Variants in EVC observed in about 807,000 individuals in gnomAD.
EVC encodes the protein evC complex member EVC.
A neutral mutation model predicts 118.9 loss-of-function variants in EVC; 116 were observed. The ratio of observed to expected loss-of-function variants is 0.98; its 90% CI spans 0.84 to 1.14. EVC has a LOEUF of 1.14. EVC is among the 50% of genes most tolerant of loss of function. EVC has a pLI of 0.00. For missense variants in EVC, 1,401 were observed against 1,246.4 expected, an observed-to-expected ratio of 1.12 and a Z score of -1.87; for synonymous variants, 619 against 534.7, an observed-to-expected ratio of 1.16 and a Z score of -2.18.
At chr4:5,716,426 G>T (rs1223637971) in intron 1 of EVC, among the ~76,000 whole-genome samples, 1 of 152,100 alleles carries the variant, frequency 6.6e-6, no homozygotes, top group East Asian at 1.9e-4. Flanking sequence ...ATGTAGGTTC[G>T]GCAGAAAAGA....
At chr4:5,752,118 T>A (rs1730463762) in intron 8 of EVC, among the ~76,000 whole-genome samples, 2 of 152,060 alleles carry the variant, frequency 1.3e-5, no homozygotes, top group South Asian at 4.2e-4. Context: ...TGCCTAGGCC[T>A]GAGCTGGGCG....
At chr4:5,815,938 C>A (rs551643863), downstream of EVC, among the ~76,000 whole-genome samples, 1 of 151,680 alleles carries the variant, frequency 6.6e-6, no homozygotes, top group Non-Finnish European at 1.5e-5. Flanking sequence ...GAGGGAGGAA[C>A]GCTGAGTATA....
chr4:5,828,295 GTCC>G, the EVC span: 1 of 984,800 alleles, frequency 1.0e-6, no homozygotes, highest in Non-Finnish European at 1.2e-6. Flanking sequence ...GAACTTGCAT[GTCC>G]TCATTTGATG....
downstream of EVC, among the ~76,000 whole-genome samples, chr4:5,816,569 C>CA (rs2152411903): frequency 6.6e-6 from 1 of 151,294 alleles, no homozygotes; most frequent in South Asian, 2.1e-4. Flanking sequence ...ACCCTCTCTT[C>CA]ACTCCCTTCC....
chr4:5,771,378 T>C (rs1733929699), intron 11 of EVC, among the ~76,000 whole-genome samples: 1 of 152,142 alleles, frequency 6.6e-6, no homozygotes, highest in African/African-American at 2.4e-5. Context: ...ACTGTGACCC[T>C]CCTGCCTCCC....
chr4:5,782,389 A>ATTTTT (rs71171482), intron 11 of EVC, among the ~76,000 whole-genome samples: 11 of 78,596 alleles, frequency 1.4e-4, no homozygotes, highest in Admixed American at 3.4e-4. Context: ...GTAAGGTTCC[A>ATTTTT]TTTTTTTTTT....
At chr4:5,757,683 C>G (rs1488977545) in intron 11 of EVC, among the ~76,000 whole-genome samples, 1 of 152,158 alleles carries the variant, frequency 6.6e-6, no homozygotes, top group African/African-American at 2.4e-5. Flanking sequence ...GGGCTCTGGT[C>G]TCTCCCTTTT....
chr4:5,825,932 A>G, the EVC span: 8 of 484,708 alleles, frequency 1.7e-5, no homozygotes, highest in Non-Finnish European at 2.9e-5. The surrounding 1 kb of genome is among the most constrained non-coding windows in gnomAD (Gnocchi z 4.4). Context: ...ACTCACATAC[A>G]TGCAGTCATG....
chr4:5,804,130 G>A (rs1715471238), intron 16 of EVC, among the ~76,000 whole-genome samples: 1 of 152,100 alleles, frequency 6.6e-6, no homozygotes, highest in Admixed American at 6.5e-5. Context: ...TAGAGACAGG[G>A]TTTCACCATG....
Position 5,810,462 on chromosome 4 carries a change from C to T in EVC, c.2894+12C>T, listed in dbSNP as rs759319800. The T allele has an allele frequency of 1.7e-5, 27 of 1,597,434 alleles. No individual in the cohort carries two copies. The highest frequency in any genetic ancestry group is 1.6e-5 in the Non-Finnish European group (19 of 1,170,462). ...TCAGGCTCACTCAGGTATGACTGGGCCCCGGACCTGTTGCCTGTGGCTGGG... is the reference window on the plus strand; with the variant it reads ...TCAGGCTCACTCAGGTATGACTGGGTCCCGGACCTGTTGCCTGTGGCTGGG... On this transcript the variant is annotated intron_variant, in intron 20 of 20. Coordinates refer to ENST00000264956, the MANE Select transcript of EVC (RefSeq NM_153717.3).
chr4:5,753,262 C>G (rs1213431405), intron 9 of EVC, among the ~76,000 whole-genome samples: 1 of 152,216 alleles, frequency 6.6e-6, no homozygotes, highest in African/African-American at 2.4e-5. Context: ...AGGGCCACTG[C>G]CCAGGGCAGG....
At chr4:5,712,011 C>A (rs1723116987) in intron 1 of EVC, among the ~76,000 whole-genome samples, 1 of 152,180 alleles carries the variant, frequency 6.6e-6, no homozygotes, top group African/African-American at 2.4e-5. Context: ...TTTCATTCAC[C>A]CCACAGTAAA....
chr4:5,777,677 T>C (rs978216281), intron 11 of EVC, among the ~76,000 whole-genome samples: 1 of 152,190 alleles, frequency 6.6e-6, no homozygotes, highest in African/African-American at 2.4e-5. Flanking sequence ...AGTTATCTGG[T>C]TAGCCATATC....
chr4:5,821,821 C>G, the EVC span: 1 of 1,609,992 alleles, frequency 6.2e-7, no homozygotes, highest in Non-Finnish European at 8.5e-7. The surrounding 1 kb of genome is among the most constrained non-coding windows in gnomAD (Gnocchi z 4.4). Flanking sequence ...GTGGCCGGTG[C>G]GCCTGGGATT....
rs1261882121 is a variant in EVC at position 5,731,612 on chromosome 4, C to G, written c.572C>G (p.Thr191Ser). Residue 191 changes from threonine to serine, a missense_variant, in exon 4 of 21, where the codon ACC becomes AGC. Coordinates refer to ENST00000264956, the MANE Select transcript of EVC (RefSeq NM_153717.3). This position sits in a 1 kb window ranked among gnomAD's most constrained non-coding sequence, Gnocchi z 5.6. ...ATSDDRFLSR[T>S]FLRVNAFPEV... ...AGCGATGACAGGTTTCTCAGCCGCA[C>G]CTTCCTCCGGGTGAACGCCTTCCCT... 1 of 1,614,170 alleles carries G rather than the reference C, an allele frequency of 6.2e-7. No homozygotes were observed. The highest frequency in any genetic ancestry group is 8.5e-7 in the Non-Finnish European group (1 of 1,180,034).
At chr4:5,760,197 C>G (rs993071863) in intron 11 of EVC, among the ~76,000 whole-genome samples, 1 of 151,926 alleles carries the variant, frequency 6.6e-6, no homozygotes, top group African/African-American at 2.4e-5. Context: ...TTCGGGGGCC[C>G]AATATATTTT....
In EVC at chr4:5,756,466, A is replaced by G; in HGVS notation, c.1563+104A>G. 1.1e-6 allele frequency: 1 copy of G among 914,766 alleles called. No individual in the cohort carries two copies. Among genetic ancestry groups the G allele is most frequent in the Non-Finnish European group, 1.7e-6 (1 of 575,558 alleles). The allele number at this position is 914,766 out of a possible 1,614,324, so 56.7% of individuals were successfully genotyped here. The stretch of plus-strand genomic sequence containing the variant: ...GGACCCCAGAGGTGGTTCAGGTCCA[A>G]CCCCGCACTCATTGGCCGGTGATCC... On this transcript the variant is annotated intron_variant, in intron 11 of 20. Transcript: ENST00000264956. This position sits in a 1 kb window ranked among gnomAD's most constrained non-coding sequence, Gnocchi z 4.2.
chr4:5,773,638 T>C (rs1734307624), intron 11 of EVC, among the ~76,000 whole-genome samples: 1 of 152,104 alleles, frequency 6.6e-6, no homozygotes, highest in Non-Finnish European at 1.5e-5. Context: ...GGGTGTTTTG[T>C]GGGATCCCCC....
At chr4:5,816,899 G>A (rs1348785510), downstream of EVC, among the ~76,000 whole-genome samples, 1 of 152,132 alleles carries the variant, frequency 6.6e-6, no homozygotes, top group Non-Finnish European at 1.5e-5. Context: ...AGGCTTAGTT[G>A]ACCCTTCAAC....
Sources: allele counts gnomAD v4.1 joint callset (sites outside exome capture counted in the v4.1 genomes callset), GRCh38; gene constraint gnomAD v4.1.1; non-coding constraint Gnocchi (gnomAD v3.1); transcripts MANE v1.5; gene names NCBI Gene and HGNC (gene_info 2026-07-23, HGNC 2026-07-21).